Variants in DCDC2 observed in about 807,000 individuals in gnomAD.
DCDC2 encodes doublecortin domain-containing protein 2.
In DCDC2, 40 loss-of-function variants were observed where a neutral mutation model predicts 50.2. The ratio of observed to expected loss-of-function variants is 0.80; its 90% CI spans 0.62 to 1.04. The LOEUF (loss-of-function observed/expected upper bound fraction) is 1.04. Among genes scored for constraint, DCDC2 ranks in the 50% least tolerant of loss-of-function variants. The probability of loss-of-function intolerance (pLI) is 0.00; values close to 1 mark genes in which losing one functional copy is unlikely to be tolerated. For missense variants in DCDC2, 570 were observed against 581.9 expected, an observed-to-expected ratio of 0.98 and a Z score of 0.21; for synonymous variants, 234 against 210.6, an observed-to-expected ratio of 1.11 and a Z score of -0.96.
intron 8 of DCDC2, among the ~76,000 whole-genome samples, chr6:24,181,451 G>A (rs1422100781): frequency 6.6e-6 from 1 of 152,184 alleles, no homozygotes; most frequent in Admixed American, 6.5e-5. Flanking sequence ...AGGAGGGCTT[G>A]GCAAGGGAAA....
chr6:24,373,508 T>C, the DCDC2 span, among the ~76,000 whole-genome samples: 1 of 152,158 alleles, frequency 6.6e-6, no homozygotes, highest in East Asian at 1.9e-4. Flanking sequence ...ATCCCACTAG[T>C]ATAAAATTCA....
At chr6:24,237,577 C>T (rs1254046865) in intron 7 of DCDC2, among the ~76,000 whole-genome samples, 1 of 152,074 alleles carries the variant, frequency 6.6e-6, no homozygotes, top group Non-Finnish European at 1.5e-5. Flanking sequence ...GGGTAGATAA[C>T]AAAAGGAAAA....
intron 8 of DCDC2, among the ~76,000 whole-genome samples, chr6:24,194,809 T>A (rs1000260585): frequency 3.3e-5 from 5 of 152,154 alleles, no homozygotes; most frequent in African/African-American, 1.2e-4. Context: ...CAGGTTAGTT[T>A]TGAAAGAGTA....
At chr6:24,242,169 C>T (rs189305799) in intron 7 of DCDC2, among the ~76,000 whole-genome samples, 3 of 152,232 alleles carry the variant, frequency 2.0e-5, no homozygotes, top group African/African-American at 7.2e-5. Flanking sequence ...GTAAGACCCT[C>T]TCTCAAAAAG....
chr6:24,193,427 G>A (rs1761352934), intron 8 of DCDC2, among the ~76,000 whole-genome samples: 1 of 152,150 alleles, frequency 6.6e-6, no homozygotes, highest in South Asian at 2.1e-4. Context: ...GCAGCTGACT[G>A]GAGGGATTGA....
At chr6:24,357,181 T>C (rs1760485324) in intron 1 of DCDC2, 1 of 332,588 alleles carries the variant, frequency 3.0e-6, no homozygotes, top group Non-Finnish European at 5.4e-6. Context: ...TCACTAACCT[T>C]TGCAAGGATA....
At chr6:24,345,859 T>G (rs1393813274) in intron 2 of DCDC2, among the ~76,000 whole-genome samples, 1 of 152,094 alleles carries the variant, frequency 6.6e-6, no homozygotes, top group Admixed American at 6.6e-5. Flanking sequence ...TTTTTAAATA[T>G]AAATGTGGAA....
chr6:24,205,741 T>C (rs757905327), intron 7 of DCDC2, among the ~76,000 whole-genome samples: 8 of 152,192 alleles, frequency 5.3e-5, no homozygotes, highest in Non-Finnish European at 1.0e-4. Context: ...TTCAACTTGC[T>C]TTCCTCTGGA....
chr6:24,269,568 G>T (rs1027546652), intron 7 of DCDC2, among the ~76,000 whole-genome samples: 3 of 152,130 alleles, frequency 2.0e-5, no homozygotes, highest in African/African-American at 7.2e-5. Context: ...ACATGGTAGG[G>T]ACTCAATAAA....
intron 2 of DCDC2, among the ~76,000 whole-genome samples, chr6:24,349,740 T>C (rs573831235): frequency 6.6e-6 from 1 of 152,192 alleles, no homozygotes; most frequent in African/African-American, 2.4e-5. Context: ...AAACCACCAC[T>C]GACACAGGGA....
chr6:24,245,822 A>C (rs1210938809), intron 7 of DCDC2, among the ~76,000 whole-genome samples: 1 of 152,242 alleles, frequency 6.6e-6, no homozygotes, highest in Non-Finnish European at 1.5e-5. Flanking sequence ...AACAGTATAA[A>C]CAAAAACTGG....
In DCDC2 at chr6:24,350,996, G is replaced by A. The variant is rs190128613; in HGVS notation, c.348+2573C>T. 1.7e-3 allele frequency among the ~76,000 whole-genome samples: 256 copies of A among 152,274 alleles called. 2 individuals are homozygous for A. Among genetic ancestry groups the A allele is most frequent in the Admixed American group, 5.9e-3 (90 of 15,288 alleles). ...GACTATAAATCAGTTGTGGGAAAGAGAAAGGTAGTTTCCCATACTAAAAAT... is the reference window on the plus strand; with the variant it reads ...GACTATAAATCAGTTGTGGGAAAGAAAAAGGTAGTTTCCCATACTAAAAAT... On this transcript the variant is annotated intron_variant, in intron 2 of 9. Transcript: ENST00000378454.
intron 2 of DCDC2, among the ~76,000 whole-genome samples, chr6:24,344,151 AT>A (rs1024706264): frequency 3.3e-5 from 5 of 150,550 alleles, no homozygotes; most frequent in East Asian, 3.9e-4. Flanking sequence ...AGTAACCACC[AT>A]TTTTTTTTCT....
intron 7 of DCDC2, among the ~76,000 whole-genome samples, chr6:24,259,020 C>T (rs1311139336): frequency 6.6e-6 from 1 of 152,120 alleles, no homozygotes; most frequent in Non-Finnish European, 1.5e-5. Context: ...CTCGAAATTC[C>T]TTTTCAGAGA....
intron 2 of DCDC2, among the ~76,000 whole-genome samples, chr6:24,326,792 G>A (rs1027362641): frequency 2.0e-5 from 3 of 147,450 alleles, no homozygotes; most frequent in African/African-American, 7.3e-5. Flanking sequence ...CTGGGAGATC[G>A]AGGCTGAAGT....
intron 7 of DCDC2, among the ~76,000 whole-genome samples, chr6:24,226,711 C>A (rs1762241093): frequency 6.6e-6 from 1 of 152,120 alleles, no homozygotes; most frequent in Non-Finnish European, 1.5e-5. Flanking sequence ...GCAGCAGAGT[C>A]AAGAGGTGGA....
rs12215082 is a variant in DCDC2 at position 24,288,692 on chromosome 6, T to C, written c.759+160A>G. On this transcript the variant is annotated intron_variant, in intron 6 of 9. Transcript: ENST00000378454. ...AAAATGTTAGCTCTGTTTAGGACCATAAGTGTAACATTAAAGTTCTAGTGC... is the reference window on the plus strand; with the variant it reads ...AAAATGTTAGCTCTGTTTAGGACCACAAGTGTAACATTAAAGTTCTAGTGC... Among the ~76,000 whole-genome samples, 17,481 of 152,254 alleles carry C rather than the reference T, an allele frequency of 0.11. 1,106 individuals carry two copies. The highest frequency in any genetic ancestry group is 0.17 in the Middle Eastern group (51 of 294).
intron 2 of DCDC2, among the ~76,000 whole-genome samples, chr6:24,352,257 T>C (rs957919641): frequency 6.6e-6 from 1 of 152,236 alleles, no homozygotes; most frequent in African/African-American, 2.4e-5. Flanking sequence ...CAAATTCTAT[T>C]GCGGAAGTCC....
chr6:24,183,584 A>G (rs1761130049), intron 8 of DCDC2, among the ~76,000 whole-genome samples: 1 of 152,192 alleles, frequency 6.6e-6, no homozygotes, highest in African/African-American at 2.4e-5. Context: ...CTTGGCCCAG[A>G]GACAAGTTTC....
Sources: allele counts gnomAD v4.1 joint callset (sites outside exome capture counted in the v4.1 genomes callset), GRCh38; gene constraint gnomAD v4.1.1; transcripts MANE v1.5; gene names NCBI Gene and HGNC (gene_info 2026-07-23, HGNC 2026-07-21).